The following HECW1 variants were observed in gnomAD, a reference collection of about 807,000 sequenced individuals.
HECW1 encodes the protein E3 ubiquitin-protein ligase HECW1.
In HECW1, 61 loss-of-function variants were observed where a neutral mutation model predicts 182.3. That is an observed-to-expected ratio of 0.33 (90% CI 0.27 to 0.41). The LOEUF is 0.41. HECW1 is among the 10% of genes least tolerant of loss of function. The pLI, the probability that HECW1 is intolerant of heterozygous loss-of-function variation, is 1.00. For missense variants in HECW1, 1,739 were observed against 2,108.9 expected (o/e 0.82, Z 3.44); for synonymous variants, 859 against 832.6 (o/e 1.03, Z -0.55).
At position 43,416,146 on chromosome 7, in the gene HECW1, C is replaced by T. The variant is rs967517471; in HGVS notation, c.801+8415C>T. On this transcript the variant is annotated intron_variant, in intron 8 of 29. Coordinates refer to ENST00000395891, the MANE Select transcript of HECW1 (RefSeq NM_015052.5). ...CCAGTTTTTCTGTTCTGTTTTTTCC[C>T]GATCTTTGTGGTTTTATCTACTTTT... Among the ~76,000 whole-genome samples, 83 of 150,698 alleles carry T rather than the reference C, an allele frequency of 5.5e-4. 1 individual carries two copies. Among genetic ancestry groups the T allele is most frequent in the African/African-American group, 1.8e-3 (75 of 40,950 alleles).
chr7:43,333,509 G>A (rs1170296366), intron 5 of HECW1, among the ~76,000 whole-genome samples: 8 of 152,138 alleles, frequency 5.3e-5, no homozygotes, highest in Non-Finnish European at 1.0e-4. Context: ...AAAGATCAAA[G>A]CAAAAATCGT....
At chr7:43,428,706 G>A (rs1049188683) in intron 8 of HECW1, among the ~76,000 whole-genome samples, 1 of 152,238 alleles carries the variant, frequency 6.6e-6, no homozygotes, top group Non-Finnish European at 1.5e-5. Flanking sequence ...AGAAGGCAAA[G>A]TTAGAATAAT....
intron 2 of HECW1, among the ~76,000 whole-genome samples, chr7:43,182,081 G>A (rs1247062544): frequency 6.6e-6 from 1 of 152,122 alleles, no homozygotes; most frequent in Non-Finnish European, 1.5e-5. Flanking sequence ...ACCGCGCCAG[G>A]CCTCTCATAT....
chr7:43,325,855 G>A (rs1343218102), intron 5 of HECW1, among the ~76,000 whole-genome samples: 1 of 152,146 alleles, frequency 6.6e-6, no homozygotes, highest in Non-Finnish European at 1.5e-5. Flanking sequence ...GCTGCACGCT[G>A]TGGTCTCATC....
chr7:43,515,735 C>T (rs1329381150), intron 24 of HECW1, among the ~76,000 whole-genome samples: 2 of 152,088 alleles, frequency 1.3e-5, no homozygotes, highest in Non-Finnish European at 2.9e-5. Flanking sequence ...TAGCACACTC[C>T]CAGATGCTGT....
chr7:43,361,578 C>T (rs78998945), intron 6 of HECW1, among the ~76,000 whole-genome samples: 27,412 of 152,038 alleles, frequency 0.18, 3,005 homozygotes, highest in Middle Eastern at 0.3. Context: ...CTTTTGTTCC[C>T]TGCTGTGTGG....
In HECW1 at chr7:43,172,140, G is replaced by A. The variant is rs552766514; in HGVS notation, c.-32+57749G>A. Among the ~76,000 whole-genome samples the A allele has an allele frequency of 8.1e-5, 12 of 148,146 alleles. No individual in the cohort carries two copies. In the East Asian group the frequency reaches 1.6e-3, roughly 19 times the overall value. On this transcript the variant is annotated intron_variant, in intron 2 of 29. Coordinates refer to ENST00000395891, the MANE Select transcript of HECW1 (RefSeq NM_015052.5). ...TAAAAATACAAAAAAAAAAAAATTA[G>A]CCAGGCACAATGGTGGGGGTGGGGG...
Position 43,163,667 on chromosome 7 carries a change from C to T in HECW1, c.-32+49276C>T, listed in dbSNP as rs1211067231. ...AGTTATGACCCCTGGGAAAGAGTTG[C>T]CCCAGGTTCGATCAACTAAGCTCCC... On this transcript the variant is annotated intron_variant, in intron 2 of 29. Coordinates refer to ENST00000395891, the MANE Select transcript of HECW1 (RefSeq NM_015052.5). 2.0e-5 allele frequency among the ~76,000 whole-genome samples: 3 copies of T among 152,098 alleles called. No individual in the cohort carries two copies. The South Asian group carries it at 6.2e-4, about 32-fold the overall frequency.
intron 2 of HECW1, among the ~76,000 whole-genome samples, chr7:43,170,819 A>G (rs1583804171): frequency 6.6e-6 from 1 of 152,210 alleles, no homozygotes; most frequent in South Asian, 2.1e-4. Context: ...GAGTGAGTAC[A>G]TAGACCCCAA....
intron 24 of HECW1, among the ~76,000 whole-genome samples, chr7:43,531,957 G>A (rs182737145): frequency 6.6e-6 from 1 of 152,218 alleles, no homozygotes; most frequent in East Asian, 1.9e-4. Flanking sequence ...GCATCCTGAC[G>A]GCCCCACAGT....
At chr7:43,375,061 C>G (rs1382875307) in intron 6 of HECW1, among the ~76,000 whole-genome samples, 1 of 152,102 alleles carries the variant, frequency 6.6e-6, no homozygotes, top group Non-Finnish European at 1.5e-5. Flanking sequence ...ATAAAATGTT[C>G]TTTTGAATCA....
At chr7:43,403,401 A>G (rs1452704064) in intron 7 of HECW1, among the ~76,000 whole-genome samples, 2 of 152,296 alleles carry the variant, frequency 1.3e-5, no homozygotes, top group East Asian at 3.9e-4. Context: ...GCTGTTTAGT[A>G]CAGTTTATTA....
intron 2 of HECW1, among the ~76,000 whole-genome samples, chr7:43,178,753 A>G (rs1792511929): frequency 6.6e-6 from 1 of 152,234 alleles, no homozygotes; most frequent in African/African-American, 2.4e-5. Flanking sequence ...GGGGGACTGT[A>G]TGCTTTGAAT....
intron 6 of HECW1, among the ~76,000 whole-genome samples, chr7:43,372,901 A>T (rs1221428079): frequency 6.6e-6 from 1 of 152,122 alleles, no homozygotes; most frequent in Non-Finnish European, 1.5e-5. Context: ...TCATCAAGTG[A>T]TATAGATGCC....
At chr7:43,471,843 A>G (rs1028170388) in intron 16 of HECW1, among the ~76,000 whole-genome samples, 1 of 152,248 alleles carries the variant, frequency 6.6e-6, no homozygotes, top group African/African-American at 2.4e-5. Flanking sequence ...CTACTGCAAG[A>G]AGCAAACAGA....
intron 16 of HECW1, among the ~76,000 whole-genome samples, chr7:43,475,635 C>T (rs1416828808): frequency 1.3e-5 from 2 of 152,274 alleles, no homozygotes; most frequent in East Asian, 1.9e-4. Flanking sequence ...ACTGCAGCCT[C>T]GACTTCCTGT....
chr7:43,407,493 G>A, intron 7 of HECW1, 69 bp from the exon 8 acceptor site: 1 of 1,153,578 alleles, frequency 8.7e-7, no homozygotes, highest in Middle Eastern at 2.5e-4. Context: ...CATGAAAGGT[G>A]TGGTTACCAA....
intron 2 of HECW1, chr7:43,148,757 C>A (rs1788980406): frequency 6.6e-6 from 1 of 151,706 alleles, no homozygotes; most frequent in South Asian, 2.1e-4. Flanking sequence ...CCCTTGATGA[C>A]ATGGAACTAA....
intron 3 of HECW1, among the ~76,000 whole-genome samples, chr7:43,303,310 C>T (rs1336902374): frequency 1.3e-5 from 2 of 151,808 alleles, no homozygotes; most frequent in African/African-American, 4.8e-5. Flanking sequence ...GGTGTGCGAG[C>T]GACAAGGAGC....
Sources: gnomAD v4.1 joint callset for allele counts (sites outside exome capture counted in the v4.1 genomes callset) on GRCh38, gnomAD v4.1.1 for gene constraint, MANE v1.5 for transcripts, NCBI Gene and HGNC (gene_info 2026-07-23, HGNC 2026-07-21) for gene names.